Variants in MECOM observed in about 807,000 individuals in gnomAD.
The protein encoded by MECOM is histone-lysine N-methyltransferase MECOM.
In MECOM, 13 loss-of-function variants were observed where a neutral mutation model predicts 116.3. The ratio of observed to expected loss-of-function variants is 0.11; its 90% confidence interval spans 0.07 to 0.18. The LOEUF is 0.18. MECOM is among the 10% of genes least tolerant of loss of function. The pLI is 1.00. For missense variants in MECOM, 1,299 were observed against 1,509.0 expected, an observed-to-expected ratio of 0.86 and a Z score of 2.31; for synonymous variants, 528 against 535.2, an observed-to-expected ratio of 0.99 and a Z score of 0.19.
intron 1 of MECOM, among the ~76,000 whole-genome samples, chr3:169,479,846 C>T (rs1751029701): frequency 6.6e-6 from 1 of 152,074 alleles, no homozygotes; most frequent in Non-Finnish European, 1.5e-5. Context: ...ATACTCTGTC[C>T]CAGGCACTGT....
intron 1 of MECOM, among the ~76,000 whole-genome samples, chr3:169,544,310 G>A (rs1760453942): frequency 6.6e-6 from 1 of 152,140 alleles, no homozygotes; most frequent in African/African-American, 2.4e-5. Context: ...TCATCAAAGT[G>A]ACAAGTAACT....
At chr3:169,263,123 A>ATATC (rs1757795200) in intron 2 of MECOM, among the ~76,000 whole-genome samples, 1 of 19,638 alleles carries the variant, frequency 5.1e-5, no homozygotes, top group African/African-American at 2.4e-4. Flanking sequence ...ATATATATAT[A>ATATC]TATATGTTTT....
At position 169,219,502 on chromosome 3, in the gene MECOM, G is replaced by A. The variant is rs533061135; in HGVS notation, c.376-75670C>T. 1.5e-4 allele frequency among the ~76,000 whole-genome samples: 23 copies of A among 152,198 alleles called. 1 individual carries two copies. The South Asian group carries it at 3.5e-3, about 23-fold the overall frequency. On this transcript the variant is annotated intron_variant, in intron 2 of 16. Transcript: ENST00000651503. ...AGCCTGGGCGACAGAGCGAGACTCC[G>A]TCTTAAAAACAAAACAGAACAAAAC...
Position 169,090,475 on chromosome 3 carries a change from C to T in MECOM, c.3165-239G>A, listed in dbSNP as rs1000456492. ...TATAAATGAAGCCTCTGGCAGAACC[C>T]GAAAAACAATCTTGGTCTCCCATTT... is the stretch of plus-strand genomic sequence containing the variant. On this transcript the variant is annotated intron_variant, in intron 14 of 16. Transcript: ENST00000651503. Among the ~76,000 whole-genome samples, 5 of 151,844 alleles carry T rather than the reference C, an allele frequency of 3.3e-5. No individual in the cohort carries two copies. In the East Asian group the frequency reaches 5.8e-4, roughly 18 times the overall value.
At position 169,595,517 on chromosome 3, in the gene MECOM, T is replaced by C. The variant is rs550858818; in HGVS notation, c.37+67819A>G. Among the ~76,000 whole-genome samples, 4 of 152,328 alleles carry C rather than the reference T, an allele frequency of 2.6e-5. No individual in the cohort carries two copies. In the South Asian group the frequency reaches 8.3e-4, roughly 32 times the overall value. On this transcript the variant is annotated intron_variant, in intron 1 of 16. Coordinates refer to ENST00000651503, the MANE Select transcript of MECOM (RefSeq NM_004991.4). ...TCAAAAACTTGCAGAATTTCATTAA[T>C]GCAAGATTTTTTTATCTCCCAAAAG...
intron 1 of MECOM, among the ~76,000 whole-genome samples, chr3:169,473,858 A>C (rs1366376000): frequency 6.6e-6 from 1 of 152,148 alleles, no homozygotes; most frequent in Admixed American, 6.6e-5. Context: ...GCAAAAGAGA[A>C]GGAAGAATAA....
chr3:169,488,506 A>C (rs1185104302), intron 1 of MECOM, among the ~76,000 whole-genome samples: 1 of 152,096 alleles, frequency 6.6e-6, no homozygotes, highest in Non-Finnish European at 1.5e-5. Flanking sequence ...AGATTGCACC[A>C]CTGCACTGCA....
chr3:169,524,191 T>C (rs1757713347), intron 1 of MECOM, among the ~76,000 whole-genome samples: 1 of 151,922 alleles, frequency 6.6e-6, no homozygotes, highest in South Asian at 2.1e-4. Flanking sequence ...GAAGAGAATA[T>C]AGGAATGTGG....
intron 1 of MECOM, among the ~76,000 whole-genome samples, chr3:169,541,581 C>T (rs1242739798): frequency 6.6e-6 from 1 of 152,192 alleles, no homozygotes; most frequent in East Asian, 1.9e-4. Flanking sequence ...GGATGCAGGA[C>T]CCCAAATTTC....
At position 169,663,703 on chromosome 3, in the gene MECOM, A is replaced by T; in HGVS notation, c.-331T>A. 1 of 345,124 alleles carries T rather than the reference A, an allele frequency of 2.9e-6. No homozygotes were observed. The highest frequency in any genetic ancestry group is 1.2e-4 in the South Asian group (1 of 8,438). 21.4% of individuals were successfully genotyped at this position (345,124 alleles called of 1,614,324 possible). A position where few individuals can be genotyped will look rare whatever the true frequency, so the allele number is the denominator to read the frequency against. On this transcript the variant is annotated 5_prime_UTR_variant, in exon 1 of 17. In the 5' UTR this introduces an upstream ATG that the reference lacks. Transcript: ENST00000651503. ...CACATGCGCGCTAGACGCCCCTCCA[A>T]CATCTCAGCGCCGCCAAAAAAAGTT... is the stretch of plus-strand genomic sequence containing the variant.
At chr3:169,409,648 C>T (rs17551153) in intron 1 of MECOM, among the ~76,000 whole-genome samples, 27,770 of 152,142 alleles carry the variant, frequency 0.18, 3,087 homozygotes, top group East Asian at 0.25. Context: ...TTCAAATAGA[C>T]GCTTTGCAAG....
chr3:169,633,911 AAAAAAAAC>A lies in MECOM; in HGVS notation c.37+29417_37+29424del, dbSNP rs1184055067. ...ACAGTAGTGACCCTGGCAAAAAAAA[AAAAAAAAC>A]AAAAAACAAACAGGCGACAGGCAGC... On this transcript the variant is annotated intron_variant, in intron 1 of 16. Coordinates refer to ENST00000651503, the MANE Select transcript of MECOM (RefSeq NM_004991.4). Among the ~76,000 whole-genome samples, 41 of 151,284 alleles carry A rather than the reference AAAAAAAAC, an allele frequency of 2.7e-4. No individual in the cohort carries two copies. In the South Asian group the frequency reaches 6.9e-3, roughly 25 times the overall value.
intron 2 of MECOM, among the ~76,000 whole-genome samples, chr3:169,364,048 G>A (rs1437851869): frequency 6.6e-6 from 1 of 151,910 alleles, no homozygotes; most frequent in Non-Finnish European, 1.5e-5. Context: ...TGCGTTTGCT[G>A]TGGTTTACTC....
chr3:169,367,564 C>T (rs958527259), intron 2 of MECOM, among the ~76,000 whole-genome samples: 3 of 151,982 alleles, frequency 2.0e-5, no homozygotes, highest in African/African-American at 4.8e-5. Flanking sequence ...GGATGGTATA[C>T]AAGATTGTGC....
At chr3:169,276,239 G>A (rs1003056442) in intron 2 of MECOM, among the ~76,000 whole-genome samples, 18 of 152,024 alleles carry the variant, frequency 1.2e-4, no homozygotes, top group Admixed American at 3.3e-4. Context: ...CAAGTAATAC[G>A]AGACTATGTT....
chr3:169,223,475 T>C (rs1752373781), intron 2 of MECOM, among the ~76,000 whole-genome samples: 1 of 151,914 alleles, frequency 6.6e-6, no homozygotes, highest in South Asian at 2.1e-4. Context: ...TCATCCTTTT[T>C]TATGGCTGCA....
intron 16 of MECOM, among the ~76,000 whole-genome samples, chr3:169,087,337 T>C (rs1718123395): frequency 6.6e-6 from 1 of 152,064 alleles, no homozygotes; most frequent in Non-Finnish European, 1.5e-5. Flanking sequence ...GTCACACCTA[T>C]ACAAATCCCA....
In MECOM at chr3:169,461,739, C is replaced by A. The variant is rs954915441; in HGVS notation, c.38-80215G>T. On this transcript the variant is annotated intron_variant, in intron 1 of 16. Transcript: ENST00000651503. ...CAGCTGCCTGTGTGTGCAAAAGTAG[C>A]AGTAGCAAAACACCTAGCTGATAAA... 6.6e-5 allele frequency among the ~76,000 whole-genome samples: 10 copies of A among 152,200 alleles called. 1 individual carries two copies. The highest frequency in any genetic ancestry group is 1.9e-4 in the East Asian group (1 of 5,180).
chr3:169,235,032 G>A (rs1227327604), intron 2 of MECOM, among the ~76,000 whole-genome samples: 4 of 152,146 alleles, frequency 2.6e-5, no homozygotes, highest in Non-Finnish European at 5.9e-5. Flanking sequence ...ATTTATGGGC[G>A]TGATATGAAA....
Sources: allele counts gnomAD v4.1 joint callset (sites outside exome capture counted in the v4.1 genomes callset), GRCh38; gene constraint gnomAD v4.1.1; transcripts MANE v1.5; gene names NCBI Gene and HGNC (gene_info 2026-07-23, HGNC 2026-07-21).